CSMD1: variants seen among roughly 807,000 people sequenced by gnomAD.
The protein encoded by CSMD1 is CUB and Sushi multiple domains 1.
CSMD1 carries 213 observed loss-of-function variants against 417.5 expected under a neutral mutation model. That is an observed-to-expected ratio of 0.51 (90% CI 0.46 to 0.57). The LOEUF (loss-of-function observed/expected upper bound fraction) is 0.57. CSMD1 is among the 20% of genes least tolerant of loss of function. The pLI, the probability that CSMD1 is intolerant of heterozygous loss-of-function variation, is 0.00. For synonymous variants in CSMD1, 2,862 were observed against 1,736.8 expected, an observed-to-expected ratio of 1.65 and a Z score of -16.11; for missense variants, 6,923 against 4,529.7, an observed-to-expected ratio of 1.53 and a Z score of -15.17.
chr8:3,588,082 T>C (rs1485924128), intron 8 of CSMD1, among the ~76,000 whole-genome samples: 1 of 150,632 alleles, frequency 6.6e-6, no homozygotes, highest in East Asian at 1.9e-4. Flanking sequence ...AGAAATTTTC[T>C]TTTAAAAAAT....
chr8:3,230,813 ATATAT>A, intron 26 of CSMD1, among the ~76,000 whole-genome samples: 1 of 152,166 alleles, frequency 6.6e-6, no homozygotes, highest in African/African-American at 2.4e-5. Flanking sequence ...AAGTTGGACA[ATATAT>A]TATATGGCCA....
intron 2 of CSMD1, among the ~76,000 whole-genome samples, chr8:4,595,914 G>T (rs1800251277): frequency 6.6e-6 from 1 of 151,752 alleles, no homozygotes; most frequent in Non-Finnish European, 1.5e-5. Context: ...CACTCTTAAG[G>T]CCTGACTGTA....
chr8:4,304,797 A>G (rs546075301), intron 3 of CSMD1, among the ~76,000 whole-genome samples: 25 of 152,238 alleles, frequency 1.6e-4, no homozygotes, highest in Non-Finnish European at 2.9e-4. Context: ...ATCCTAAGCC[A>G]TACCTTGGTG....
intron 3 of CSMD1, among the ~76,000 whole-genome samples, chr8:4,237,114 C>G (rs368209212): frequency 4.6e-5 from 7 of 152,194 alleles, no homozygotes; most frequent in Non-Finnish European, 1.0e-4. Context: ...CCATCAAGAA[C>G]TAGCTACTTT....
At chr8:4,059,157 T>A (rs542478197) in intron 3 of CSMD1, among the ~76,000 whole-genome samples, 1 of 152,288 alleles carries the variant, frequency 6.6e-6, no homozygotes, top group Non-Finnish European at 1.5e-5. Context: ...ACCGCTTAAC[T>A]ACACAGAAAC....
At chr8:4,129,700 T>C (rs1294821105) in intron 3 of CSMD1, among the ~76,000 whole-genome samples, 3 of 152,186 alleles carry the variant, frequency 2.0e-5, no homozygotes, top group African/African-American at 7.2e-5. Context: ...GTTATACAAG[T>C]CCATTTTCAT....
intron 10 of CSMD1, among the ~76,000 whole-genome samples, chr8:3,511,151 G>A (rs889438706): frequency 1.3e-4 from 19 of 151,784 alleles, no homozygotes; most frequent in African/African-American, 4.1e-4. Flanking sequence ...AACACTGCAT[G>A]TTCTCAGTAA....
chr8:3,251,090 G>C (rs1263046058), intron 26 of CSMD1, among the ~76,000 whole-genome samples: 1 of 152,112 alleles, frequency 6.6e-6, no homozygotes, highest in Admixed American at 6.5e-5. Context: ...TGTCAATTTT[G>C]GGTTTTGTTG....
chr8:4,022,295 C>G (rs981701321), intron 4 of CSMD1, among the ~76,000 whole-genome samples: 1 of 151,650 alleles, frequency 6.6e-6, no homozygotes, highest in Non-Finnish European at 1.5e-5. Flanking sequence ...AGATTTCAGA[C>G]AAGGAAGAGA....
chr8:3,919,272 T>G (rs1436822622), intron 5 of CSMD1, among the ~76,000 whole-genome samples: 1 of 151,944 alleles, frequency 6.6e-6, no homozygotes, highest in Non-Finnish European at 1.5e-5. Context: ...TTCTAGGAGT[T>G]TTGCGGGTTT....
chr8:3,017,827 A>C (rs1010915473), intron 52 of CSMD1, among the ~76,000 whole-genome samples: 1 of 137,628 alleles, frequency 7.3e-6, no homozygotes, highest in Non-Finnish European at 1.5e-5. Context: ...AAAAAAAAAA[A>C]AAAAAAAAGG....
At chr8:3,903,688 T>C in intron 5 of CSMD1, among the ~76,000 whole-genome samples, 1 of 152,158 alleles carries the variant, frequency 6.6e-6, no homozygotes, top group East Asian at 1.9e-4. Context: ...AATGATGTGA[T>C]TACACATCAG....
chr8:3,872,493 C>T (rs1805542052), intron 5 of CSMD1, among the ~76,000 whole-genome samples: 1 of 152,148 alleles, frequency 6.6e-6, no homozygotes, highest in African/African-American at 2.4e-5. Context: ...AAAATGTGCT[C>T]CCTGGTGCCT....
intron 12 of CSMD1, among the ~76,000 whole-genome samples, chr8:3,418,250 A>T (rs1813279846): frequency 6.6e-6 from 1 of 152,144 alleles, no homozygotes; most frequent in Non-Finnish European, 1.5e-5. Flanking sequence ...GGACTCTGGA[A>T]ATTCGGGCTA....
At position 3,262,184 on chromosome 8, in the gene CSMD1, AATATATATATAT is replaced by A. The variant is rs201972449; in HGVS notation, c.4153+21948_4153+21959del. On this transcript the variant is annotated intron_variant, in intron 26 of 69. Coordinates refer to ENST00000635120, the MANE Select transcript of CSMD1 (RefSeq NM_033225.6). ...TTATTTCTAAAATTATGCTCATATG[AATATATATATAT>A]ATATATATATATATATATATATATA... Among the ~76,000 whole-genome samples, 302 of 63,150 alleles carry A rather than the reference AATATATATATAT, an allele frequency of 4.8e-3. 3 individuals carry two copies. Among genetic ancestry groups the A allele is most frequent in the African/African-American group, 0.015 (214 of 14,120 alleles). 41.4% of individuals were successfully genotyped at this position (63,150 alleles called of 152,430 possible).
At chr8:3,799,368 G>A (rs1398590793) in intron 5 of CSMD1, among the ~76,000 whole-genome samples, 3 of 149,408 alleles carry the variant, frequency 2.0e-5, no homozygotes, top group Non-Finnish European at 4.4e-5. Context: ...ATTGCATTAG[G>A]TATATCTCCT....
At chr8:3,489,116 CTT>C (rs936879909) in intron 11 of CSMD1, among the ~76,000 whole-genome samples, 1 of 152,122 alleles carries the variant, frequency 6.6e-6, no homozygotes, top group Admixed American at 6.5e-5. Flanking sequence ...CTTCAGCAGT[CTT>C]TTAATAAAAA....
chr8:3,392,038 T>C (rs1018942639), intron 17 of CSMD1, among the ~76,000 whole-genome samples: 4 of 139,352 alleles, frequency 2.9e-5, no homozygotes, highest in African/African-American at 1.1e-4. Context: ...TTCTCACTCA[T>C]AGGTGGGAAT....
intron 2 of CSMD1, among the ~76,000 whole-genome samples, chr8:4,623,841 CTTAGAACA>C (rs1801930351): frequency 1.3e-5 from 2 of 151,482 alleles, no homozygotes; most frequent in African/African-American, 4.9e-5. Flanking sequence ...GGCAACAAAA[CTTAGAACA>C]CAGGATGGAT....
Sources: gnomAD v4.1 joint callset for allele counts (sites outside exome capture counted in the v4.1 genomes callset) on GRCh38, gnomAD v4.1.1 for gene constraint, MANE v1.5 for transcripts, NCBI Gene and HGNC (gene_info 2026-07-23, HGNC 2026-07-21) for gene names.